ANKFN1: variants seen among roughly 807,000 people sequenced by gnomAD.
ANKFN1 encodes ankyrin repeat and fibronectin type III domain containing 1, also known as ankyrin repeat and fibronectin type-III domain-containing protein 1.
ANKFN1 carries 74 observed loss-of-function variants against 108.7 expected under a neutral mutation model. The ratio of observed to expected loss-of-function variants is 0.68; its 90% CI spans 0.56 to 0.83. The LOEUF (loss-of-function observed/expected upper bound fraction) is 0.83, where lower values mean the gene tolerates loss of function less well. Ranked by LOEUF, ANKFN1 falls within the 40% of genes least tolerant of loss-of-function variation. The pLI is 0.00. For missense variants in ANKFN1, 1,505 were observed against 1,382.3 expected (o/e 1.09, Z -1.41); for synonymous variants, 547 against 516.2 (o/e 1.06, Z -0.81).
intron 4 of ANKFN1, among the ~76,000 whole-genome samples, chr17:56,105,635 C>T (rs1253800948): frequency 6.6e-6 from 1 of 151,230 alleles, no homozygotes; most frequent in African/African-American, 2.4e-5. Context: ...TCATTTTTCT[C>T]TTCCTGTCTG....
At position 56,060,229 on chromosome 17, in the gene ANKFN1, C is replaced by T. The variant is rs545487621; in HGVS notation, c.288+13904C>T. 5.3e-5 allele frequency among the ~76,000 whole-genome samples: 8 copies of T among 152,154 alleles called. No homozygotes were observed. In the South Asian group the frequency reaches 1.5e-3, roughly 28 times the overall value. On this transcript the variant is annotated intron_variant, in intron 4 of 12. Coordinates refer to the ANKFN1 transcript ENST00000635860. Reference sequence around the variant, plus strand: ...AGTTCATTCATGATTTGGCTCTCTGCTTGTCTATTTTTGGTGTAAAGGAAC... The same window carrying T: ...AGTTCATTCATGATTTGGCTCTCTGTTTGTCTATTTTTGGTGTAAAGGAAC...
intron 1 of ANKFN1, among the ~76,000 whole-genome samples, chr17:56,156,943 T>C (rs1441291261): frequency 6.6e-6 from 1 of 151,930 alleles, no homozygotes. Flanking sequence ...GCCAGAACTT[T>C]ACAGAAAAAG....
intron 3 of ANKFN1, among the ~76,000 whole-genome samples, chr17:56,277,840 G>A (rs117488849): frequency 1.3e-5 from 2 of 152,208 alleles, no homozygotes; most frequent in Non-Finnish European, 2.9e-5. Flanking sequence ...GTTTATGTAG[G>A]AGAATATTGA....
intron 16 of ANKFN1, among the ~76,000 whole-genome samples, chr17:56,479,397 A>G (rs1023137681): frequency 2.6e-5 from 4 of 152,178 alleles, no homozygotes; most frequent in African/African-American, 9.7e-5. Context: ...TTTGTTCCAT[A>G]TCAGTGATGG....
intron 3 of ANKFN1, among the ~76,000 whole-genome samples, chr17:56,270,830 C>T (rs2043774229): frequency 1.3e-5 from 2 of 152,072 alleles, no homozygotes; most frequent in Admixed American, 1.3e-4. Context: ...TTCCTGCAGT[C>T]ATATGGCTGC....
chr17:56,303,749 A>G (rs1275671997), intron 3 of ANKFN1, among the ~76,000 whole-genome samples: 2 of 151,976 alleles, frequency 1.3e-5, no homozygotes, highest in African/African-American at 2.4e-5. Context: ...CAGTGGCACA[A>G]TCTCAGCTCA....
chr17:56,314,257 G>A (rs1239212812), intron 3 of ANKFN1, among the ~76,000 whole-genome samples: 1 of 152,132 alleles, frequency 6.6e-6, no homozygotes, highest in Non-Finnish European at 1.5e-5. Flanking sequence ...CTTTCCGTGA[G>A]CATTTATTTC....
At chr17:56,398,231 A>G (rs2047644846) in intron 8 of ANKFN1, among the ~76,000 whole-genome samples, 1 of 152,204 alleles carries the variant, frequency 6.6e-6, no homozygotes, top group Admixed American at 6.5e-5. Flanking sequence ...CACTTGGTAC[A>G]TGATACATTA....
At chr17:56,405,073 G>T (rs1184542233) in intron 8 of ANKFN1, among the ~76,000 whole-genome samples, 1 of 152,214 alleles carries the variant, frequency 6.6e-6, no homozygotes, top group African/African-American at 2.4e-5. Context: ...GTGGTGGGGG[G>T]TAGTGCAATG....
chr17:56,456,940 G>A lies in ANKFN1; in HGVS notation c.1287G>A (p.Lys429=). The change falls in exon 12 of 21, where the codon AAG becomes AAA. Residue 429 remains lysine (K), a synonymous_variant. Coordinates refer to ENST00000682825, the MANE Select transcript of ANKFN1 (RefSeq NM_001370326.1). ...SLKHLFHSSN[K]FVKTLKRGLY... is the part of the protein sequence containing the mutation. ...AACACCTGTTCCATTCCTCGAACAA[G>A]TTTGTGAAGACCTTAAAACGGTGGG... The A allele has an allele frequency of 6.2e-7, 1 of 1,614,014 alleles. No individual in the cohort carries two copies. The highest frequency in any genetic ancestry group is 8.5e-7 in the Non-Finnish European group (1 of 1,179,902).
intron 1 of ANKFN1, among the ~76,000 whole-genome samples, chr17:56,204,862 T>G (rs1051362173): frequency 6.6e-6 from 1 of 151,802 alleles, no homozygotes; most frequent in Non-Finnish European, 1.5e-5. Flanking sequence ...GATCACGAGG[T>G]CAGGAGATCG....
chr17:56,166,018 G>A (rs942699334), intron 1 of ANKFN1, among the ~76,000 whole-genome samples: 1 of 152,042 alleles, frequency 6.6e-6, no homozygotes, highest in African/African-American at 2.4e-5. Flanking sequence ...TCATTTCAAT[G>A]CAATCTCCCT....
chr17:56,467,565 G>A (rs879306645), intron 15 of ANKFN1, among the ~76,000 whole-genome samples: 3 of 151,064 alleles, frequency 2.0e-5, no homozygotes, highest in African/African-American at 2.4e-5. Flanking sequence ...CTCTAATCCC[G>A]GCTACTCAGG....
intron 1 of ANKFN1, among the ~76,000 whole-genome samples, chr17:56,170,850 A>ATG: frequency 6.8e-6 from 1 of 146,980 alleles, no homozygotes; most frequent in Non-Finnish European, 1.5e-5. Flanking sequence ...ACACATATAT[A>ATG]TATGTATAGT....
intron 8 of ANKFN1, among the ~76,000 whole-genome samples, chr17:56,403,942 C>G (rs2047839220): frequency 6.6e-6 from 1 of 152,058 alleles, no homozygotes; most frequent in Non-Finnish European, 1.5e-5. Flanking sequence ...TTGCTGGATA[C>G]AAAATCCTTG....
In ANKFN1 at chr17:56,072,228, A is replaced by G. The variant is rs187010333; in HGVS notation, c.288+25903A>G. On this transcript the variant is annotated intron_variant, in intron 4 of 12. Transcript: ENST00000635860. ...TTTTCACTTTCTTCTTATTTTTTCA[A>G]TTAATCTGTTCAGTAAATTGGCTTC... is the stretch of plus-strand genomic sequence containing the variant. Among the ~76,000 whole-genome samples, 61 of 152,164 alleles carry G rather than the reference A, an allele frequency of 4.0e-4. No homozygotes were observed. In the East Asian group the frequency reaches 0.011, roughly 28 times the overall value.
chr17:56,312,667 C>A (rs2045065506), intron 3 of ANKFN1, among the ~76,000 whole-genome samples: 1 of 152,150 alleles, frequency 6.6e-6, no homozygotes, highest in Non-Finnish European at 1.5e-5. Flanking sequence ...CCTCTCCAAA[C>A]CTGCATCTGA....
intron 1 of ANKFN1, among the ~76,000 whole-genome samples, chr17:56,158,956 G>C (rs971900220): frequency 7.2e-6 from 1 of 138,762 alleles, no homozygotes; most frequent in African/African-American, 2.7e-5. Context: ...TTAGTCATTT[G>C]TGTTGCCCCA....
intron 4 of ANKFN1, among the ~76,000 whole-genome samples, chr17:56,091,855 C>T (rs1435310197): frequency 2.0e-5 from 3 of 151,232 alleles, no homozygotes; most frequent in African/African-American, 7.3e-5. Context: ...TATGTAATCC[C>T]CTGTAATGTA....
Sources: gnomAD v4.1 joint callset for allele counts (sites outside exome capture counted in the v4.1 genomes callset) on GRCh38, gnomAD v4.1.1 for gene constraint, MANE v1.5 for transcripts, NCBI Gene and HGNC (gene_info 2026-07-23, HGNC 2026-07-21) for gene names.